PDE8A: variants seen among roughly 807,000 people sequenced by gnomAD.
The protein encoded by PDE8A is phosphodiesterase 8A.
PDE8A carries 59 observed loss-of-function variants against 105.0 expected under a neutral mutation model. That is an observed-to-expected ratio of 0.56 (90% CI 0.46 to 0.70). The LOEUF is 0.70. PDE8A is among the 30% of genes least tolerant of loss of function. The probability of loss-of-function intolerance (pLI) is 0.00; values close to 1 mark genes in which losing one functional copy is unlikely to be tolerated. For missense variants in PDE8A, 1,014 were observed against 1,045.9 expected, an observed-to-expected ratio of 0.97 and a Z score of 0.42; for synonymous variants, 355 against 371.9, an observed-to-expected ratio of 0.95 and a Z score of 0.52.
chr15:85,009,194 G>C (rs2080201457), intron 1 of PDE8A, among the ~76,000 whole-genome samples: 1 of 151,030 alleles, frequency 6.6e-6, no homozygotes, highest in East Asian at 2.0e-4. Context: ...ATAAGAGCTA[G>C]GTAATTTTTA....
chr15:85,033,341 CTT>C (rs2080647799), intron 1 of PDE8A, among the ~76,000 whole-genome samples: 1 of 152,128 alleles, frequency 6.6e-6, no homozygotes. Flanking sequence ...TGAATGAGGA[CTT>C]AGACAAGTAG....
intron 15 of PDE8A, 147 bp from the exon 16 acceptor site, chr15:85,115,837 T>A (rs2082087457): frequency 1.5e-6 from 1 of 680,168 alleles, no homozygotes; most frequent in African/African-American, 1.8e-5. Flanking sequence ...GGAGAATCAC[T>A]TGAACCCGGG....
At chr15:85,117,156 G>A (rs1487091590) in intron 16 of PDE8A, among the ~76,000 whole-genome samples, 1 of 152,196 alleles carries the variant, frequency 6.6e-6, no homozygotes, top group Non-Finnish European at 1.5e-5. Flanking sequence ...GGTGGGTGTT[G>A]AGAAAATTCC....
intron 1 of PDE8A, among the ~76,000 whole-genome samples, chr15:85,003,653 C>T (rs974201657): frequency 1.3e-5 from 2 of 152,156 alleles, no homozygotes; most frequent in African/African-American, 4.8e-5. Flanking sequence ...AGTTTGTATT[C>T]TGAATTGTTA....
intron 11 of PDE8A, among the ~76,000 whole-genome samples, chr15:85,102,852 AAAAG>A (rs1322159513): frequency 6.6e-6 from 1 of 151,174 alleles, no homozygotes; most frequent in Non-Finnish European, 1.5e-5. Flanking sequence ...AAAAAAAAAA[AAAAG>A]AATACCACTG....
At chr15:85,038,981 C>T (rs547828930) in intron 1 of PDE8A, among the ~76,000 whole-genome samples, 35 of 152,116 alleles carry the variant, frequency 2.3e-4, no homozygotes, top group African/African-American at 7.7e-4. Context: ...ATTAGCCAGG[C>T]GTGGTGGTTC....
At chr15:85,076,024 G>A (rs1464864025) in intron 4 of PDE8A, 106 bp downstream of exon 4, 1 of 607,540 alleles carries the variant, frequency 1.6e-6, no homozygotes, top group African/African-American at 1.9e-5. Flanking sequence ...ATGCCCCTTT[G>A]TAGTGTGGCC....
intron 11 of PDE8A, among the ~76,000 whole-genome samples, chr15:85,101,779 G>A (rs887439883): frequency 3.3e-5 from 5 of 152,140 alleles, no homozygotes; most frequent in Non-Finnish European, 7.4e-5. Context: ...TGATGGTGTG[G>A]GACTAGAGAG....
chr15:85,070,985 C>G (rs1211183294), intron 3 of PDE8A, among the ~76,000 whole-genome samples: 1 of 152,076 alleles, frequency 6.6e-6, no homozygotes, highest in African/African-American at 2.4e-5. Context: ...CTCCTCCCAA[C>G]TTCCTATCAA....
At chr15:85,018,127 C>T (rs2141347366) in intron 1 of PDE8A, among the ~76,000 whole-genome samples, 1 of 152,256 alleles carries the variant, frequency 6.6e-6, no homozygotes, top group East Asian at 1.9e-4. Flanking sequence ...TGGCAGTAGG[C>T]TAACTACAGG....
chr15:85,027,040 T>C (rs1487581065), intron 1 of PDE8A, among the ~76,000 whole-genome samples: 1 of 152,244 alleles, frequency 6.6e-6, no homozygotes, highest in Non-Finnish European at 1.5e-5. Flanking sequence ...GTTACTATTG[T>C]GTGGTTCTTT....
At chr15:85,074,263 T>G (rs929485727) in intron 3 of PDE8A, among the ~76,000 whole-genome samples, 7 of 152,220 alleles carry the variant, frequency 4.6e-5, no homozygotes, top group African/African-American at 1.7e-4. Context: ...GAGAACACAG[T>G]CTTGCCCATT....
intron 1 of PDE8A, among the ~76,000 whole-genome samples, chr15:85,014,912 C>G (rs951257165): frequency 1.1e-4 from 16 of 152,156 alleles, no homozygotes; most frequent in African/African-American, 3.9e-4. Context: ...AACAGTCCCT[C>G]CCCATTGCCT....
intron 18 of PDE8A, 137 bp from the exon 19 acceptor site, chr15:85,122,924 A>G (rs1432951510): frequency 1.2e-6 from 1 of 855,016 alleles, no homozygotes; most frequent in African/African-American, 1.7e-5. Flanking sequence ...TCTTTTTAAA[A>G]TGTGCCTTGT....
At chr15:85,129,071 GTGCGGAACCAATCT>G in intron 20 of PDE8A, among the ~76,000 whole-genome samples, 1 of 152,232 alleles carries the variant, frequency 6.6e-6, no homozygotes, top group African/African-American at 2.4e-5. Context: ...TGATCTTCAT[GTGCGGAACCAATCT>G]TGCATTTCAG....
rs972751374 is a variant in PDE8A, at chr15:85,090,849, A to C, written c.715-195A>C. On this transcript the variant is annotated intron_variant, in intron 7 of 21. Transcript: ENST00000394553. ...AGAAAGCCCAGCCGGGTATCACCCAAGCAGAAGCTCGTCTGGGCTCCAGAA... is the reference window on the plus strand; with the variant it reads ...AGAAAGCCCAGCCGGGTATCACCCACGCAGAAGCTCGTCTGGGCTCCAGAA... 16 of 649,572 alleles carry C rather than the reference A, an allele frequency of 2.5e-5. No individual in the cohort carries two copies. The Admixed American group carries it at 2.5e-4, about 10-fold the overall frequency. 40.2% of individuals were successfully genotyped at this position (649,572 alleles called of 1,614,324 possible).
intron 1 of PDE8A, among the ~76,000 whole-genome samples, chr15:85,003,586 A>C (rs2080099960): frequency 1.3e-5 from 2 of 152,196 alleles, no homozygotes; most frequent in Admixed American, 1.3e-4. Context: ...TCAGCATAAG[A>C]ATTAATACTA....
intron 1 of PDE8A, among the ~76,000 whole-genome samples, chr15:85,023,042 C>T (rs289405): frequency 0.21 from 32,261 of 152,014 alleles, 3,893 homozygotes; most frequent in Non-Finnish European, 0.29. Flanking sequence ...GGCAAGAGAA[C>T]GGACACTCAG....
In PDE8A at chr15:85,039,427, T is replaced by TA. The variant is rs567300953; in HGVS notation, c.187-24930dup. ...CTGGGTGACAGAGTGAGATCTTGTC[T>TA]AAAAAAAAAAAAAGATGGAAAATAA... is the stretch of plus-strand genomic sequence containing the variant. On this transcript the variant is annotated intron_variant, in intron 1 of 21. Transcript: ENST00000394553. Among the ~76,000 whole-genome samples, 614 of 137,028 alleles carry TA rather than the reference T, an allele frequency of 4.5e-3. 3 individuals are homozygous for TA. The highest frequency in any genetic ancestry group is 0.013 in the African/African-American group (493 of 37,086). 89.9% of individuals were successfully genotyped at this position (137,028 alleles called of 152,430 possible). A position where few individuals can be genotyped will look rare whatever the true frequency, so the allele number is the denominator to read the frequency against.
Sources: allele counts gnomAD v4.1 joint callset (sites outside exome capture counted in the v4.1 genomes callset), GRCh38; gene constraint gnomAD v4.1.1; transcripts MANE v1.5; gene names NCBI Gene and HGNC (gene_info 2026-07-23, HGNC 2026-07-21).